SLC71A2: variants seen among roughly 807,000 people sequenced by gnomAD.
The protein encoded by SLC71A2 is hippocampus abundant transcript-like 1.
chr9:94,402,949 G>C, the SLC71A2 span, among the ~76,000 whole-genome samples: 1 of 152,102 alleles, frequency 6.6e-6, no homozygotes, highest in African/African-American at 2.4e-5. Context: ...TCACATTGTT[G>C]TGTACTCATT....
the SLC71A2 span, among the ~76,000 whole-genome samples, chr9:94,413,907 A>G: frequency 1.3e-5 from 2 of 152,154 alleles, no homozygotes; most frequent in East Asian, 3.9e-4. Flanking sequence ...TTTGTCTGTG[A>G]GGCCTTGATA....
At chr9:94,450,493 CTT>C in the SLC71A2 span, among the ~76,000 whole-genome samples, 1 of 102,000 alleles carries the variant, frequency 9.8e-6, no homozygotes, top group Non-Finnish European at 1.8e-5. Flanking sequence ...AATAATGTAA[CTT>C]TTTTTTTTTT....
the SLC71A2 span, chr9:94,433,075 T>G: frequency 2.0e-5 from 7 of 356,332 alleles, no homozygotes; most frequent in Non-Finnish European, 3.8e-5. Flanking sequence ...GCTACTCTCA[T>G]ACAGCCAGTA....
At chr9:94,435,650 C>CTTTTTTTTTTTTTTT in the SLC71A2 span, among the ~76,000 whole-genome samples, 1 of 48,400 alleles carries the variant, frequency 2.1e-5, no homozygotes, top group African/African-American at 7.6e-5. Context: ...TTTCCTTCTT[C>CTTTTTTTTTTTTTTT]TTTTTTTTTT....
the SLC71A2 span, among the ~76,000 whole-genome samples, chr9:94,451,147 T>A: frequency 1.3e-5 from 2 of 152,196 alleles, no homozygotes; most frequent in South Asian, 4.1e-4. Flanking sequence ...TTTGTTTCAT[T>A]TTTTATTACT....
chr9:94,420,298 C>G, the SLC71A2 span, among the ~76,000 whole-genome samples: 9 of 152,210 alleles, frequency 5.9e-5, no homozygotes, highest in African/African-American at 1.9e-4. Context: ...CCAAATCCAA[C>G]GAGTCCTCTC....
chr9:94,460,453 G>A, the SLC71A2 span: 3 of 152,534 alleles, frequency 2.0e-5, no homozygotes, highest in African/African-American at 7.2e-5. Context: ...AATCGCATGG[G>A]AATACGCACA....
the SLC71A2 span, chr9:94,459,348 A>G: frequency 6.2e-7 from 1 of 1,614,138 alleles, no homozygotes; most frequent in African/African-American, 1.3e-5. Context: ...CCACTACTGC[A>G]AGACAGCAGC....
At chr9:94,430,125 G>A in the SLC71A2 span, among the ~76,000 whole-genome samples, 1 of 151,400 alleles carries the variant, frequency 6.6e-6, no homozygotes, top group African/African-American at 2.4e-5. Context: ...GGATGGTCTC[G>A]ATCTCTTGAC....
the SLC71A2 span, among the ~76,000 whole-genome samples, chr9:94,439,295 C>T: frequency 6.8e-6 from 1 of 146,380 alleles, no homozygotes; most frequent in Non-Finnish European, 1.5e-5. Flanking sequence ...GCGTGAGCCA[C>T]AGTGCGCAGC....
chr9:94,456,266 C>G, the SLC71A2 span: 11 of 1,614,120 alleles, frequency 6.8e-6, no homozygotes, highest in Admixed American at 1.7e-4. Context: ...GGGACCGTGG[C>G]TGCCATGTCC....
the SLC71A2 span, among the ~76,000 whole-genome samples, chr9:94,423,792 G>A: frequency 6.6e-6 from 1 of 152,174 alleles, no homozygotes; most frequent in East Asian, 1.9e-4. Context: ...CAAGAATGGT[G>A]GCATCTTCAC....
At chr9:94,454,643 C>T in the SLC71A2 span, among the ~76,000 whole-genome samples, 1 of 152,002 alleles carries the variant, frequency 6.6e-6, no homozygotes, top group Non-Finnish European at 1.5e-5. Flanking sequence ...GGATTACAGG[C>T]GTGAGCCACC....
chr9:94,415,558 C>CT, the SLC71A2 span, among the ~76,000 whole-genome samples: 1 of 152,046 alleles, frequency 6.6e-6, no homozygotes, highest in African/African-American at 2.4e-5. Flanking sequence ...AACTCCCAAA[C>CT]TTTTTTAGCA....
chr9:94,440,105 C>T, the SLC71A2 span, among the ~76,000 whole-genome samples: 1 of 151,968 alleles, frequency 6.6e-6, no homozygotes, highest in South Asian at 2.1e-4. Context: ...GAGTACATGT[C>T]AGATTTTATT....
chr9:94,387,581 TA>T, the SLC71A2 span, among the ~76,000 whole-genome samples: 1 of 152,244 alleles, frequency 6.6e-6, no homozygotes, highest in African/African-American at 2.4e-5. Context: ...TGCATGGAGA[TA>T]AATTGACTTG....
At chr9:94,375,540 C>T in the SLC71A2 span, among the ~76,000 whole-genome samples, 1 of 152,010 alleles carries the variant, frequency 6.6e-6, no homozygotes, top group Non-Finnish European at 1.5e-5. Flanking sequence ...CAGAACAGGC[C>T]TTGTCTGTGT....
the SLC71A2 span, among the ~76,000 whole-genome samples, chr9:94,421,632 A>C: frequency 6.6e-6 from 1 of 152,204 alleles, no homozygotes. Context: ...TCATGTTCCC[A>C]AGAGGACCAT....
the SLC71A2 span, among the ~76,000 whole-genome samples, chr9:94,407,479 A>G: frequency 6.2e-3 from 938 of 151,980 alleles, 7 homozygotes; most frequent in African/African-American, 0.021. Flanking sequence ...CCCAGATTCA[A>G]GCAATTTTCT....
Sources: gnomAD v4.1 joint callset for allele counts (sites outside exome capture counted in the v4.1 genomes callset) on GRCh38, gnomAD v4.1.1 for gene constraint, MANE v1.5 for transcripts, NCBI Gene and HGNC (gene_info 2026-07-23, HGNC 2026-07-21) for gene names.